Variants in ATAD2B observed in about 807,000 individuals in gnomAD.
The protein encoded by ATAD2B is ATPase family AAA domain-containing protein 2B.
A neutral mutation model predicts 167.6 loss-of-function variants in ATAD2B; 40 were observed. The observed-to-expected ratio is 0.24, with a 90% CI of 0.19 to 0.31. The LOEUF is 0.31. ATAD2B is among the 10% of genes least tolerant of loss of function. ATAD2B has a pLI of 1.00. For synonymous variants in ATAD2B, 579 were observed against 596.5 expected (o/e 0.97, Z 0.43); for missense variants, 1,242 against 1,757.2 (o/e 0.71, Z 5.24).
At chr2:23,914,432 G>C (rs933225195) in intron 1 of ATAD2B, among the ~76,000 whole-genome samples, 8 of 152,112 alleles carry the variant, frequency 5.3e-5, no homozygotes, top group African/African-American at 1.9e-4. Flanking sequence ...AGGCATTTTA[G>C]AGAGAAGGAA....
intron 25 of ATAD2B, among the ~76,000 whole-genome samples, chr2:23,756,919 G>C (rs1264568323): frequency 3.3e-5 from 5 of 152,138 alleles, no homozygotes; most frequent in African/African-American, 9.7e-5. Flanking sequence ...AAATAGGCTT[G>C]GAGAGTGTAA....
the ATAD2B span, chr2:23,698,054 C>CAA: frequency 1.3e-5 from 2 of 152,202 alleles, no homozygotes; most frequent in East Asian, 3.9e-4. Context: ...TCAAATGCAC[C>CAA]AACTAAGCAG....
chr2:23,801,318 A>G (rs1179240173), intron 18 of ATAD2B, among the ~76,000 whole-genome samples: 1 of 152,122 alleles, frequency 6.6e-6, no homozygotes, highest in African/African-American at 2.4e-5. Flanking sequence ...TAAAGTGTGG[A>G]GTAAAATACA....
the ATAD2B span, among the ~76,000 whole-genome samples, chr2:23,688,428 G>A: frequency 6.6e-6 from 1 of 152,186 alleles, no homozygotes; most frequent in Non-Finnish European, 1.5e-5. Context: ...TGATCTCTGA[G>A]GTGCATGAGG....
intron 11 of ATAD2B, among the ~76,000 whole-genome samples, chr2:23,864,193 C>T (rs956334303): frequency 6.6e-5 from 10 of 151,850 alleles, no homozygotes; most frequent in African/African-American, 1.7e-4. Context: ...TCAGTAGAGA[C>T]GAGGTTTCAC....
At chr2:23,768,176 C>T (rs1265093775) in intron 22 of ATAD2B, among the ~76,000 whole-genome samples, 3 of 152,042 alleles carry the variant, frequency 2.0e-5, no homozygotes, top group Non-Finnish European at 4.4e-5. Flanking sequence ...GTTGCTCATA[C>T]TTAAAGTATA....
rs1686949327 is a variant in ATAD2B at position 23,818,503 on chromosome 2, AAG to A, written c.2267+1242_2267+1243del. ...CTGGAGAAGAAGAAAAAAACTTACA[AAG>A]AGTTTGCTATTAAAGAACATATGAA... On this transcript the variant is annotated intron_variant, in intron 17 of 27. Transcript: ENST00000238789. 2.0e-5 allele frequency among the ~76,000 whole-genome samples: 3 copies of A among 152,176 alleles called. No individual in the cohort carries two copies. The South Asian group carries it at 6.2e-4, about 32-fold the overall frequency.
chr2:23,903,331 C>T (rs1171792702), intron 1 of ATAD2B, among the ~76,000 whole-genome samples: 2 of 151,950 alleles, frequency 1.3e-5, no homozygotes, highest in African/African-American at 2.4e-5. Flanking sequence ...TAATGGGGCA[C>T]ATAAAATACC....
At chr2:23,779,878 G>A (rs1679736850) in intron 22 of ATAD2B, among the ~76,000 whole-genome samples, 1 of 152,068 alleles carries the variant, frequency 6.6e-6, no homozygotes. Context: ...CGGAAACAGA[G>A]AAAAAACACT....
At chr2:23,687,015 C>T in the ATAD2B span, among the ~76,000 whole-genome samples, 35 of 152,264 alleles carry the variant, frequency 2.3e-4, no homozygotes, top group African/African-American at 8.4e-4. Flanking sequence ...TCTTGGTGGT[C>T]AAGAGAGAAG....
rs1704900102 is a variant in ATAD2B, at chr2:23,926,648, AGAG to A, written c.120_122del (p.Ser41del). 1.3e-6 allele frequency: 2 copies of A among 1,562,738 alleles called. No homozygotes were observed. Reference sequence around the variant, plus strand: ...CGCGGGTCTTGGAGGAGCGGGTCCGAGAGGAGATGAAATGGCTGCTGCCTCCGG... The same window carrying A: ...CGCGGGTCTTGGAGGAGCGGGTCCGAGAGATGAAATGGCTGCTGCCTCCGG... On this transcript the variant is annotated inframe_deletion, in exon 1 of 28. Coordinates refer to ENST00000238789, the MANE Select transcript of ATAD2B (RefSeq NM_017552.4).
chr2:23,808,708 T>C (rs1402679613), intron 18 of ATAD2B, among the ~76,000 whole-genome samples: 2 of 152,186 alleles, frequency 1.3e-5, no homozygotes, highest in Non-Finnish European at 2.9e-5. Flanking sequence ...ATTCAGTGTA[T>C]CCTTTCCAAT....
chr2:23,738,621 C>G, the ATAD2B span, among the ~76,000 whole-genome samples: 1 of 152,166 alleles, frequency 6.6e-6, no homozygotes, highest in African/African-American at 2.4e-5. Flanking sequence ...AGCATCAAGG[C>G]TAGGAAGAAA....
the ATAD2B span, among the ~76,000 whole-genome samples, chr2:23,734,543 C>T: frequency 1.3e-5 from 2 of 152,110 alleles, no homozygotes; most frequent in African/African-American, 4.8e-5. Context: ...GCGGAGGCCT[C>T]AGGAAACTTA....
the ATAD2B span, among the ~76,000 whole-genome samples, chr2:23,721,306 G>A: frequency 2.0e-5 from 3 of 152,222 alleles, no homozygotes; most frequent in Non-Finnish European, 4.4e-5. Flanking sequence ...AGCATGACAA[G>A]CAGCTCCACG....
At chr2:23,878,010 CAAAGAAAAAAAAAAA>C (rs1242571742) in intron 7 of ATAD2B, among the ~76,000 whole-genome samples, 44 of 28,608 alleles carry the variant, frequency 1.5e-3, no homozygotes, top group Non-Finnish European at 2.5e-3. Context: ...ACCCTATCTC[CAAAGAAAAAAAAAAA>C]AAAAAAAAAA....
chr2:23,913,972 A>G (rs1411040622), intron 1 of ATAD2B, among the ~76,000 whole-genome samples: 1 of 152,174 alleles, frequency 6.6e-6, no homozygotes, highest in African/African-American at 2.4e-5. Flanking sequence ...GGTCAAAAAA[A>G]ACCACACCAG....
the ATAD2B span, among the ~76,000 whole-genome samples, chr2:23,739,160 G>C: frequency 1.3e-5 from 2 of 152,092 alleles, no homozygotes; most frequent in South Asian, 4.2e-4. Flanking sequence ...AAGTTAACAA[G>C]GATACCCAGG....
Position 23,823,241 on chromosome 2 carries a change from A to G in ATAD2B, c.2131+17T>C, listed in dbSNP as rs781429636. 7 of 1,573,538 alleles carry G rather than the reference A, an allele frequency of 4.4e-6. No homozygotes were observed. Among genetic ancestry groups the G allele is most frequent in the African/African-American group, 1.4e-5 (1 of 73,666 alleles). On this transcript the variant is annotated intron_variant, in intron 16 of 27. Transcript: ENST00000238789. ...ATTTGTTTCATCTTAACAATATAAA[A>G]AAGTAGTTTAGAGTACCTTCTTTTT...
Sources: allele counts gnomAD v4.1 joint callset (sites outside exome capture counted in the v4.1 genomes callset), GRCh38; gene constraint gnomAD v4.1.1; transcripts MANE v1.5; gene names NCBI Gene and HGNC (gene_info 2026-07-23, HGNC 2026-07-21).